Variants in SHTN1 observed in about 807,000 individuals in gnomAD.
The protein encoded by SHTN1 is shootin-1.
A neutral mutation model predicts 83.1 loss-of-function variants in SHTN1; 42 were observed. The observed-to-expected ratio is 0.51, with a 90% CI of 0.39 to 0.65. SHTN1 has a LOEUF of 0.65. Ranked by LOEUF, SHTN1 falls within the 30% of genes least tolerant of loss-of-function variation. SHTN1 has a pLI of 0.00. For synonymous variants in SHTN1, 224 were observed against 247.7 expected, an observed-to-expected ratio of 0.90 and a Z score of 0.90; for missense variants, 622 against 737.8, an observed-to-expected ratio of 0.84 and a Z score of 1.82.
chr10:117,014,434 CT>C (rs1275673419), intron 2 of SHTN1, among the ~76,000 whole-genome samples: 1 of 152,112 alleles, frequency 6.6e-6, no homozygotes, highest in Non-Finnish European at 1.5e-5. Context: ...ACTTAAGAAA[CT>C]TTGGATAACT....
chr10:116,973,693 T>G (rs1007566148), intron 2 of SHTN1, among the ~76,000 whole-genome samples: 13 of 152,196 alleles, frequency 8.5e-5, no homozygotes, highest in Admixed American at 3.3e-4. Context: ...GAACAAAACA[T>G]GTACCCATTT....
At chr10:116,910,977 G>A (rs1848167767) in intron 14 of SHTN1, among the ~76,000 whole-genome samples, 1 of 152,240 alleles carries the variant, frequency 6.6e-6, no homozygotes. Flanking sequence ...TTATGTGGAT[G>A]TCTACATGCA....
At chr10:116,972,860 T>C (rs779039989) in intron 2 of SHTN1, among the ~76,000 whole-genome samples, 4 of 152,208 alleles carry the variant, frequency 2.6e-5, no homozygotes, top group Non-Finnish European at 2.9e-5. Context: ...TGGCTCTTTA[T>C]GAAGGGATGA....
intron 1 of SHTN1, among the ~76,000 whole-genome samples, chr10:117,075,192 T>C (rs1004735413): frequency 2.0e-5 from 3 of 152,194 alleles, no homozygotes; most frequent in African/African-American, 7.2e-5. Context: ...TCTGCTTTGC[T>C]TTATTGTAGT....
chr10:117,005,205 C>A, upstream of SHTN1: 2 of 1,521,076 alleles, frequency 1.3e-6, no homozygotes, highest in Non-Finnish European at 1.8e-6. Flanking sequence ...GATCCGCTCC[C>A]GCTCCTCCTC....
At chr10:116,916,448 C>T (rs1848385267) in intron 12 of SHTN1, among the ~76,000 whole-genome samples, 1 of 152,154 alleles carries the variant, frequency 6.6e-6, no homozygotes, top group Admixed American at 6.5e-5. Context: ...ATAGACTCTA[C>T]ACTGCCTGGC....
intron 1 of SHTN1, among the ~76,000 whole-genome samples, chr10:117,117,555 T>C (rs942093160): frequency 2.0e-5 from 3 of 152,182 alleles, no homozygotes; most frequent in Non-Finnish European, 4.4e-5. Flanking sequence ...AAAACTTATA[T>C]GGAACCACAA....
Position 116,975,064 on chromosome 10 carries a change from A to G in SHTN1, c.111+4192T>C, listed in dbSNP as rs563323061. ...GTATGATAGGCTCTTACTTTTTCAC[A>G]TACTGCTAAGTCCACTTAGAAAATG... On this transcript the variant is annotated intron_variant, in intron 2 of 16. Coordinates refer to ENST00000355371, the MANE Select transcript of SHTN1 (RefSeq NM_001127211.3). Among the ~76,000 whole-genome samples, 18 of 152,312 alleles carry G rather than the reference A, an allele frequency of 1.2e-4. No individual in the cohort carries two copies. In the South Asian group the frequency reaches 2.1e-3, roughly 18 times the overall value.
At chr10:117,003,774 A>G (rs1851905331) in intron 1 of SHTN1, among the ~76,000 whole-genome samples, 1 of 152,238 alleles carries the variant, frequency 6.6e-6, no homozygotes, top group Admixed American at 6.5e-5. Flanking sequence ...TTTGCCACAG[A>G]GCAGGGATCC....
At chr10:117,100,528 GTTTT>G (rs1321388312) in intron 1 of SHTN1, among the ~76,000 whole-genome samples, 1 of 152,042 alleles carries the variant, frequency 6.6e-6, no homozygotes, top group Admixed American at 6.5e-5. Context: ...ATTTTTTAAT[GTTTT>G]TTTAAGTTTC....
At chr10:117,000,165 A>G (rs1851775056) in intron 1 of SHTN1, among the ~76,000 whole-genome samples, 2 of 152,188 alleles carry the variant, frequency 1.3e-5, no homozygotes, top group Admixed American at 1.3e-4. Flanking sequence ...CTTGAAAACA[A>G]GGCAACATTT....
At chr10:117,092,497 T>TA (rs1290859775) in intron 1 of SHTN1, among the ~76,000 whole-genome samples, 3 of 152,174 alleles carry the variant, frequency 2.0e-5, no homozygotes, top group African/African-American at 7.2e-5. Context: ...ACACGGTATT[T>TA]AAAAATTGTG....
intron 1 of SHTN1, among the ~76,000 whole-genome samples, chr10:116,981,128 G>A (rs1261857780): frequency 6.6e-6 from 1 of 152,128 alleles, no homozygotes; most frequent in Non-Finnish European, 1.5e-5. Context: ...AGACCAGCCT[G>A]GCCAACACAG....
intron 12 of SHTN1, among the ~76,000 whole-genome samples, chr10:116,916,296 T>C (rs1317696655): frequency 1.3e-5 from 2 of 152,220 alleles, no homozygotes; most frequent in Non-Finnish European, 2.9e-5. Flanking sequence ...TCTTGTAGAA[T>C]AGCTTGACCA....
At chr10:116,945,429 A>G (rs1849541253) in intron 7 of SHTN1, among the ~76,000 whole-genome samples, 1 of 152,236 alleles carries the variant, frequency 6.6e-6, no homozygotes, top group African/African-American at 2.4e-5. Flanking sequence ...TAGTAAATGG[A>G]AAGACATCTG....
upstream of SHTN1, among the ~76,000 whole-genome samples, chr10:117,006,243 T>TG (rs1408683043): frequency 3.3e-5 from 5 of 150,776 alleles, no homozygotes; most frequent in Non-Finnish European, 7.4e-5. Context: ...TTTTTTTGTT[T>TG]TTTTTTTGTT....
intron 6 of SHTN1, 96 bp from the exon 7 acceptor site, chr10:116,949,093 A>G (rs1237408368): frequency 7.9e-7 from 1 of 1,264,636 alleles, no homozygotes; most frequent in Non-Finnish European, 1.0e-6. Flanking sequence ...AACTTTCAAC[A>G]TGAAGTTACA....
chr10:117,125,132 C>G (rs1853983738), intron 1 of SHTN1, among the ~76,000 whole-genome samples: 2 of 152,178 alleles, frequency 1.3e-5, no homozygotes, highest in Non-Finnish European at 2.9e-5. Flanking sequence ...TGCTGGCAGA[C>G]ATCACTAATG....
At chr10:116,970,749 T>C (rs920727855) in intron 2 of SHTN1, among the ~76,000 whole-genome samples, 1 of 150,970 alleles carries the variant, frequency 6.6e-6, no homozygotes, top group Non-Finnish European at 1.5e-5. Flanking sequence ...GTTAAATGAG[T>C]TGCAGAAGAT....
Sources: gnomAD v4.1 joint callset for allele counts (sites outside exome capture counted in the v4.1 genomes callset) on GRCh38, gnomAD v4.1.1 for gene constraint, MANE v1.5 for transcripts, NCBI Gene and HGNC (gene_info 2026-07-23, HGNC 2026-07-21) for gene names.